C1QTNF5: variants seen among roughly 807,000 people sequenced by gnomAD.
C1QTNF5 encodes C1q and TNF related 5, also known as complement C1q tumor necrosis factor-related protein 5.
A neutral mutation model predicts 10.9 loss-of-function variants in C1QTNF5; 5 were observed. That is an observed-to-expected ratio of 0.46 (90% CI 0.24 to 0.97). The LOEUF is 0.97. C1QTNF5 is among the 50% of genes least tolerant of loss of function. The pLI, the probability that C1QTNF5 is intolerant of heterozygous loss-of-function variation, is 0.19. For synonymous variants in C1QTNF5, 161 were observed against 156.5 expected, an observed-to-expected ratio of 1.03 and a Z score of -0.22; for missense variants, 281 against 339.4, an observed-to-expected ratio of 0.83 and a Z score of 1.35.
chr11:119,339,831 C>T lies in C1QTNF5; in HGVS notation c.232G>A (p.Gly78Arg). 1 of 1,506,412 alleles carries T rather than the reference C, an allele frequency of 6.6e-7. No individual in the cohort carries two copies. 93.3% of individuals were successfully genotyped at this position (1,506,412 alleles called of 1,614,324 possible). A position where few individuals can be genotyped will look rare whatever the true frequency, so the allele number is the denominator to read the frequency against. Reference protein sequence around the residue: ...GGRPGLPGPRGDPGPRGEAGP... With the variant: ...GGRPGLPGPRRDPGPRGEAGP... ...GCCTCTCCTCGCGGCCCGGGGTCCC[C>T]TCGAGGTCCCGGCAGTCCTGCGGGG... Residue 78 changes from glycine (G) to arginine (R), a missense_variant, in exon 3 of 3, where the codon GGG becomes AGG. Physicochemically the swap from Gly to Arg is moderately radical, Grantham distance 125. Transcript: ENST00000528368. This position sits in a 1 kb window ranked among gnomAD's most constrained non-coding sequence, Gnocchi z 5.4.
Position 119,339,110 on chromosome 11 carries a change from C to G in C1QTNF5, c.*221G>C, listed in dbSNP as rs1429438313. On this transcript the variant is annotated 3_prime_UTR_variant, in exon 3 of 3. Coordinates refer to ENST00000528368, the MANE Select transcript of C1QTNF5 (RefSeq NM_001278431.2). The surrounding 1 kb of genome is among the most constrained non-coding windows in gnomAD (Gnocchi z 5.4). ...ACACTTGCCAGCACAGCACACTCCT[C>G]TGGTCTTGGGCAGAAATCCAGCCAC... is the stretch of plus-strand genomic sequence containing the variant. 1 of 595,394 alleles carries G rather than the reference C, an allele frequency of 1.7e-6. No individual in the cohort carries two copies. Among genetic ancestry groups the G allele is most frequent in the Non-Finnish European group, 2.9e-6 (1 of 340,970 alleles). 36.9% of individuals were successfully genotyped at this position (595,394 alleles called of 1,614,324 possible). A position where few individuals can be genotyped will look rare whatever the true frequency, so the allele number is the denominator to read the frequency against.
At position 119,339,231 on chromosome 11, in the gene C1QTNF5, T is replaced by C; in HGVS notation, c.*100A>G. On this transcript the variant is annotated 3_prime_UTR_variant, in exon 3 of 3. Transcript: ENST00000528368. This position sits in a 1 kb window ranked among gnomAD's most constrained non-coding sequence, Gnocchi z 5.4. ...TGCTCTACCCCACCTCCCTAGTCAT[T>C]CACAATATTCCAGGGGGGCCAGCCC... 7.3e-7 allele frequency: 1 copy of C among 1,368,882 alleles called. No homozygotes were observed. The highest frequency in any genetic ancestry group is 2.2e-5 in the Admixed American group (1 of 46,048). 84.8% of individuals were successfully genotyped at this position (1,368,882 alleles called of 1,614,324 possible). A position where few individuals can be genotyped will look rare whatever the true frequency, so the allele number is the denominator to read the frequency against.
At chr11:119,344,536 A>G, upstream of C1QTNF5, 10 of 1,603,428 alleles carry the variant, frequency 6.2e-6, no homozygotes, top group Non-Finnish European at 6.0e-6. Context: ...GGAAATGCTG[A>G]CGGAGGGCCC....
chr11:119,342,094 G>T, upstream of C1QTNF5: 1 of 1,361,336 alleles, frequency 7.3e-7, no homozygotes, highest in African/African-American at 1.4e-5. Context: ...AATGGGGGTG[G>T]TTGTGAGGAA....
chr11:119,340,073 C>T (rs1950485444), intron 2 of C1QTNF5, 111 bp downstream of exon 2: 4 of 1,343,464 alleles, frequency 3.0e-6, no homozygotes, highest in Admixed American at 3.1e-5. Context: ...CTGCAAAGCG[C>T]GGGGAGTGGC....
intron 1 of C1QTNF5, 34 bp downstream of exon 1, chr11:119,340,661 C>G (rs550258065): frequency 2.3e-5 from 12 of 514,024 alleles, no homozygotes; most frequent in Admixed American, 3.9e-5. Context: ...ACAGTCCCCT[C>G]CCCAGCCCCT....
chr11:119,340,138 G>T, intron 2 of C1QTNF5, 46 bp downstream of exon 2: 1 of 1,494,612 alleles, frequency 6.7e-7, no homozygotes, highest in Non-Finnish European at 8.9e-7. Context: ...CTGCGGCCGC[G>T]CCTGCTCGGA....
At chr11:119,344,756 C>A (rs752779646), upstream of C1QTNF5, 2 of 1,613,942 alleles carry the variant, frequency 1.2e-6, no homozygotes, top group Admixed American at 1.7e-5. Context: ...GGGCACAGCT[C>A]CCTGGATGTG....
chr11:119,340,896 C>T (rs886047824), upstream of C1QTNF5: 2 of 170,240 alleles, frequency 1.2e-5, no homozygotes, highest in African/African-American at 2.4e-5. Flanking sequence ...GGGCCAAGAG[C>T]TCCCGGACCG....
chr11:119,342,877 CG>C (rs1950517316), upstream of C1QTNF5: 1 of 1,613,092 alleles, frequency 6.2e-7, no homozygotes. Context: ...ACCTACTCTC[CG>C]TGGCATTGAA....
upstream of C1QTNF5, chr11:119,344,043 C>G: frequency 1.9e-6 from 3 of 1,578,264 alleles, no homozygotes; most frequent in Non-Finnish European, 2.6e-6. Flanking sequence ...TCTTCTTCCC[C>G]CACTGCTGGC....
upstream of C1QTNF5, chr11:119,344,194 C>T: frequency 9.2e-7 from 1 of 1,084,828 alleles, no homozygotes. Flanking sequence ...CCCCCGTCTG[C>T]TTGATCTCTG....
chr11:119,345,101 C>G, upstream of C1QTNF5: 2 of 1,484,800 alleles, frequency 1.3e-6, no homozygotes, highest in South Asian at 2.5e-5. Context: ...TCTCAACCCC[C>G]AAACTGGTGA....
upstream of C1QTNF5, chr11:119,342,721 C>G (rs1365482286): frequency 6.2e-7 from 1 of 1,613,590 alleles, no homozygotes; most frequent in South Asian, 1.1e-5. Flanking sequence ...ACTGGGCCCA[C>G]AGGGGTCTGC....
the C1QTNF5 span, chr11:119,346,226 C>T: frequency 6.4e-7 from 1 of 1,572,314 alleles, no homozygotes; most frequent in South Asian, 1.2e-5. Context: ...GTCCTTGGCT[C>T]CTGGGCCTCT....
At chr11:119,344,366 G>C (rs1251848371), upstream of C1QTNF5, 6 of 1,613,858 alleles carry the variant, frequency 3.7e-6, no homozygotes, top group Non-Finnish European at 5.1e-6. Context: ...AAGTGCCCTG[G>C]AGGCCAGTCA....
chr11:119,345,265 T>C (rs370697811), upstream of C1QTNF5, among the ~76,000 whole-genome samples: 73 of 152,336 alleles, frequency 4.8e-4, no homozygotes, highest in African/African-American at 1.7e-3. Context: ...GTGATCTTCC[T>C]CACGGCACAC....
upstream of C1QTNF5, chr11:119,345,560 G>GTT: frequency 2.5e-6 from 4 of 1,614,062 alleles, no homozygotes; most frequent in Non-Finnish European, 3.4e-6. Flanking sequence ...CGCAGTGGGT[G>GTT]TTGGGGGGGT....
upstream of C1QTNF5, chr11:119,341,465 T>G (rs1467691167): frequency 7.5e-6 from 9 of 1,202,426 alleles, no homozygotes; most frequent in Non-Finnish European, 1.1e-5. Context: ...ACCCTGCTGA[T>G]GCTCCTTCCT....
Sources: gnomAD v4.1 joint callset for allele counts (sites outside exome capture counted in the v4.1 genomes callset) on GRCh38, gnomAD v4.1.1 for gene constraint, Gnocchi (gnomAD v3.1) non-coding constraint, MANE v1.5 for transcripts, NCBI Gene and HGNC (gene_info 2026-07-23, HGNC 2026-07-21) for gene names.